Variants in DHRSX observed in about 807,000 individuals in gnomAD.
The protein encoded by DHRSX is polyprenol dehydrogenase.
In DHRSX, 31 loss-of-function variants were observed where a neutral mutation model predicts 34.0. The observed-to-expected ratio is 0.91, with a 90% CI of 0.69 to 1.23. DHRSX has a LOEUF of 1.23. DHRSX is among the 50% of genes most tolerant of loss of function. DHRSX has a pLI of 0.00. For synonymous variants in DHRSX, 201 were observed against 183.8 expected (o/e 1.09, Z -0.76); for missense variants, 414 against 428.1 (o/e 0.97, Z 0.29).
At chrX:2,488,723 T>C in intron 1 of DHRSX, 1 of 1,613,570 alleles carries the variant, frequency 6.2e-7, no homozygotes, top group Non-Finnish European at 8.5e-7. Flanking sequence ...CAGGCCCCAC[T>C]CCCCCTCGTC....
At chrX:2,401,393 G>T (rs925908954) in intron 3 of DHRSX, among the ~76,000 whole-genome samples, 4 of 152,220 alleles carry the variant, frequency 2.6e-5, no homozygotes, top group Admixed American at 2.6e-4. Flanking sequence ...TGACAGGCGT[G>T]AGCCATCGTG....
At chrX:2,381,855 T>C (rs1255306928) in intron 3 of DHRSX, among the ~76,000 whole-genome samples, 1 of 147,216 alleles carries the variant, frequency 6.8e-6, no homozygotes, top group Non-Finnish European at 1.5e-5. Flanking sequence ...AGGATTTTCC[T>C]GAAAACTTCC....
At chrX:2,244,393 C>G (rs1435409142) in intron 5 of DHRSX, among the ~76,000 whole-genome samples, 2 of 152,034 alleles carry the variant, frequency 1.3e-5, no homozygotes, top group Non-Finnish European at 2.9e-5. Flanking sequence ...TCTACTTTTT[C>G]TATGTATGCC....
At chrX:2,329,679 CACT>C (rs968510417) in intron 3 of DHRSX, among the ~76,000 whole-genome samples, 2 of 152,080 alleles carry the variant, frequency 1.3e-5, no homozygotes, top group African/African-American at 2.4e-5. Flanking sequence ...TGACATCCAC[CACT>C]GTTTGGTCAC....
At chrX:2,391,399 TG>T (rs1178107444) in intron 3 of DHRSX, among the ~76,000 whole-genome samples, 1 of 152,164 alleles carries the variant, frequency 6.6e-6, no homozygotes, top group Non-Finnish European at 1.5e-5. Flanking sequence ...GTTGCACCAC[TG>T]GTGCAACACC....
intron 3 of DHRSX, among the ~76,000 whole-genome samples, chrX:2,321,770 G>T (rs563957025): frequency 6.6e-6 from 1 of 152,072 alleles, no homozygotes; most frequent in Admixed American, 6.6e-5. Context: ...AATTGCACGG[G>T]TCCACTTCTA....
At chrX:2,285,201 T>C (rs879124905) in intron 4 of DHRSX, among the ~76,000 whole-genome samples, 1 of 152,202 alleles carries the variant, frequency 6.6e-6, no homozygotes, top group Admixed American at 6.5e-5. Context: ...TGTATTATTA[T>C]TACATTGTAC....
intron 1 of DHRSX, among the ~76,000 whole-genome samples, chrX:2,468,519 C>T (rs2044532644): frequency 6.6e-6 from 1 of 151,920 alleles, no homozygotes; most frequent in Non-Finnish European, 1.5e-5. Flanking sequence ...GGCCAAGGGA[C>T]CGCCACTGTG....
rs1569481930 is a variant in DHRSX, at chrX:2,266,884, T to C, written c.452A>G (p.Asn151Ser). ...RDGFEEHFGL[N>S]YLGHFLLTNL... ...GGTCAGCAGGAAGTGCCCTAGGTAG[T>C]TCAGGCCGAAATGTTCTTCGAATCC... Residue 151 changes from asparagine (N) to serine (S), a missense_variant, in exon 5 of 7, where the codon AAC becomes AGC. Physicochemically the swap from Asn to Ser is conservative, Grantham distance 46. Transcript: ENST00000334651. The C allele has an allele frequency of 6.2e-7, 1 of 1,613,952 alleles. No individual in the cohort carries two copies. The highest frequency in any genetic ancestry group is 8.5e-7 in the Non-Finnish European group (1 of 1,179,854).
intron 3 of DHRSX, among the ~76,000 whole-genome samples, chrX:2,403,207 A>G (rs766034238): frequency 3.6e-4 from 55 of 152,260 alleles, no homozygotes; most frequent in Non-Finnish European, 6.2e-4. Flanking sequence ...TAAATGGACC[A>G]TGAAGGATTG....
At chrX:2,354,884 T>A (rs917439793) in intron 3 of DHRSX, among the ~76,000 whole-genome samples, 32 of 151,936 alleles carry the variant, frequency 2.1e-4, no homozygotes, top group Non-Finnish European at 4.0e-4. Flanking sequence ...AACTCACGCA[T>A]CCTCCAGGGG....
At chrX:2,481,060 G>A (rs1169439059) in intron 1 of DHRSX, among the ~76,000 whole-genome samples, 16 of 151,936 alleles carry the variant, frequency 1.1e-4, no homozygotes, top group African/African-American at 3.1e-4. Context: ...GAATGTTAAT[G>A]TGTTAATTAG....
At chrX:2,452,031 C>T (rs1245418059) in intron 1 of DHRSX, among the ~76,000 whole-genome samples, 2 of 152,050 alleles carry the variant, frequency 1.3e-5, no homozygotes, top group Non-Finnish European at 2.9e-5. Flanking sequence ...GGTTAAGGGA[C>T]TGCCGCCATA....
chrX:2,346,721 C>A (rs62583728), intron 3 of DHRSX, among the ~76,000 whole-genome samples: 24,758 of 151,460 alleles, frequency 0.16, 2,213 homozygotes, highest in Admixed American at 0.21. Context: ...ACATAGGTAT[C>A]CATGTGCCAT....
chrX:2,367,246 T>C (rs1466197219), intron 3 of DHRSX, among the ~76,000 whole-genome samples: 1 of 151,990 alleles, frequency 6.6e-6, no homozygotes, highest in Non-Finnish European at 1.5e-5. Context: ...AAGACCAGCC[T>C]GACCAACATG....
At chrX:2,313,066 G>C (rs2042183316) in intron 3 of DHRSX, among the ~76,000 whole-genome samples, 1 of 149,888 alleles carries the variant, frequency 6.7e-6, no homozygotes, top group Non-Finnish European at 1.5e-5. Context: ...GCAGTGGCAT[G>C]ATCTTGGCTC....
At chrX:2,271,934 G>A (rs553320206) in intron 4 of DHRSX, among the ~76,000 whole-genome samples, 3 of 152,072 alleles carry the variant, frequency 2.0e-5, no homozygotes, top group East Asian at 1.9e-4. Context: ...CCAGCTACTC[G>A]GGAAGCTGAG....
rs112084236 is a variant in DHRSX, at chrX:2,323,515, C to T, written c.287-31912G>A. Among the ~76,000 whole-genome samples, 292 of 152,264 alleles carry T rather than the reference C, an allele frequency of 1.9e-3. 2 individuals carry two copies. The highest frequency in any genetic ancestry group is 2.7e-3 in the Non-Finnish European group (183 of 68,022). On this transcript the variant is annotated intron_variant, in intron 3 of 6. Coordinates refer to ENST00000334651, the MANE Select transcript of DHRSX (RefSeq NM_145177.3). Reference sequence around the variant, plus strand: ...CGGTGGTACACGCCTGTAATCCCAGCACTTTAAGAGGCCCAGGTGAGAAGA... The same window carrying T: ...CGGTGGTACACGCCTGTAATCCCAGTACTTTAAGAGGCCCAGGTGAGAAGA...
intron 4 of DHRSX, among the ~76,000 whole-genome samples, chrX:2,269,833 C>T (rs1209531714): frequency 6.6e-6 from 1 of 152,162 alleles, no homozygotes; most frequent in African/African-American, 2.4e-5. Context: ...AGACACTGCA[C>T]CCGGCCGTGT....
Sources: allele counts gnomAD v4.1 joint callset (sites outside exome capture counted in the v4.1 genomes callset), GRCh38; gene constraint gnomAD v4.1.1; transcripts MANE v1.5; gene names NCBI Gene and HGNC (gene_info 2026-07-23, HGNC 2026-07-21).